The following DRC11 variants were observed in gnomAD, a reference collection of about 807,000 sequenced individuals.
The protein encoded by DRC11 is dynein regulatory complex subunit 11, also known as IQ and AAA domain-containing protein 1.
the DRC11 span, among the ~76,000 whole-genome samples, chr2:236,445,341 T>C: frequency 3.9e-5 from 6 of 152,182 alleles, no homozygotes; most frequent in South Asian, 1.2e-3. The surrounding 1 kb of genome is among the most constrained non-coding windows in gnomAD (Gnocchi z 4.8). Flanking sequence ...ATTATTTATT[T>C]ATTTAATTTT....
At chr2:236,386,536 A>C in the DRC11 span, among the ~76,000 whole-genome samples, 1 of 151,820 alleles carries the variant, frequency 6.6e-6, no homozygotes, top group Non-Finnish European at 1.5e-5. Flanking sequence ...TATTACATCT[A>C]TTTGATTCTT....
At chr2:236,450,904 A>C in the DRC11 span, among the ~76,000 whole-genome samples, 1 of 152,270 alleles carries the variant, frequency 6.6e-6, no homozygotes, top group East Asian at 1.9e-4. Flanking sequence ...GACTTTAACA[A>C]TTATGTTTTC....
chr2:236,358,204 C>A, the DRC11 span, among the ~76,000 whole-genome samples: 1 of 121,532 alleles, frequency 8.2e-6, no homozygotes, highest in Admixed American at 9.1e-5. Flanking sequence ...AATATATATA[C>A]TATATGAATA....
the DRC11 span, chr2:236,486,886 GA>G: frequency 6.2e-7 from 1 of 1,608,552 alleles, no homozygotes; most frequent in Non-Finnish European, 8.5e-7. The surrounding 1 kb of genome is among the most constrained non-coding windows in gnomAD (Gnocchi z 5.7). Context: ...TACGTTGATG[GA>G]AACGTCGCCA....
chr2:236,343,641 T>C, the DRC11 span: 4 of 1,053,038 alleles, frequency 3.8e-6, no homozygotes, highest in Non-Finnish European at 5.3e-6. This position sits in a 1 kb window ranked among gnomAD's most constrained non-coding sequence, Gnocchi z 6.6. Flanking sequence ...CTGCCCTGCA[T>C]TTCTCTTAGA....
At chr2:236,338,243 A>C in the DRC11 span, 1 of 1,613,944 alleles carries the variant, frequency 6.2e-7, no homozygotes, top group South Asian at 1.1e-5. Flanking sequence ...CACCAAAATA[A>C]TTTTCTGGTA....
At chr2:236,434,487 T>A in the DRC11 span, among the ~76,000 whole-genome samples, 1 of 152,180 alleles carries the variant, frequency 6.6e-6, no homozygotes, top group Non-Finnish European at 1.5e-5. This position sits in a 1 kb window ranked among gnomAD's most constrained non-coding sequence, Gnocchi z 5.5. Flanking sequence ...CATCTAATTA[T>A]TACCTCAGTG....
At chr2:236,411,375 T>C in the DRC11 span, among the ~76,000 whole-genome samples, 1 of 149,904 alleles carries the variant, frequency 6.7e-6, no homozygotes, top group Non-Finnish European at 1.5e-5. Flanking sequence ...AGAATGGCAA[T>C]CATTAAAAAG....
At chr2:236,342,241 T>TCTCTGTGC in the DRC11 span, among the ~76,000 whole-genome samples, 1 of 152,182 alleles carries the variant, frequency 6.6e-6, no homozygotes, top group Non-Finnish European at 1.5e-5. This position sits in a 1 kb window ranked among gnomAD's most constrained non-coding sequence, Gnocchi z 5.8. Flanking sequence ...TGGATGTTCT[T>TCTCTGTGC]CTCTGTGCCT....
At chr2:236,407,411 C>T in the DRC11 span, among the ~76,000 whole-genome samples, 1 of 152,176 alleles carries the variant, frequency 6.6e-6, no homozygotes, top group African/African-American at 2.4e-5. Flanking sequence ...GAGTCTACAC[C>T]ATGGGCCCTC....
the DRC11 span, among the ~76,000 whole-genome samples, chr2:236,379,865 C>T: frequency 3.6e-4 from 53 of 148,240 alleles, no homozygotes; most frequent in African/African-American, 1.2e-3. Context: ...GGAGGGAACC[C>T]CCAAACAGGG....
the DRC11 span, among the ~76,000 whole-genome samples, chr2:236,416,726 T>C: frequency 1.6e-4 from 3 of 19,344 alleles, no homozygotes; most frequent in South Asian, 1.6e-3. Flanking sequence ...TATATTTATA[T>C]ATATATATAT....
the DRC11 span, among the ~76,000 whole-genome samples, chr2:236,459,541 G>GTACATA: frequency 1.4e-5 from 1 of 73,298 alleles, no homozygotes; most frequent in Non-Finnish European, 3.2e-5. Flanking sequence ...ATACGTATAC[G>GTACATA]TATACGTATA....
At chr2:236,507,274 C>A in the DRC11 span, 1 of 1,614,032 alleles carries the variant, frequency 6.2e-7, no homozygotes, top group South Asian at 1.1e-5. Flanking sequence ...ACATTGCTGG[C>A]TACTTTCCCT....
the DRC11 span, chr2:236,377,216 G>GGC: frequency 1.5e-6 from 2 of 1,378,808 alleles, no homozygotes; most frequent in Admixed American, 3.4e-5. This position sits in a 1 kb window ranked among gnomAD's most constrained non-coding sequence, Gnocchi z 4.9. Flanking sequence ...CTGTTCCAGA[G>GGC]GCACACACAC....
chr2:236,414,709 T>C, the DRC11 span, among the ~76,000 whole-genome samples: 7 of 152,214 alleles, frequency 4.6e-5, no homozygotes, highest in Admixed American at 4.6e-4. Context: ...TGTCTTTCAG[T>C]ATCTCAGTAT....
the DRC11 span, among the ~76,000 whole-genome samples, chr2:236,506,421 G>C: frequency 6.6e-6 from 1 of 152,118 alleles, no homozygotes; most frequent in African/African-American, 2.4e-5. This position sits in a 1 kb window ranked among gnomAD's most constrained non-coding sequence, Gnocchi z 4.9. Flanking sequence ...AACTCAATAC[G>C]TCTTAAACAG....
the DRC11 span, among the ~76,000 whole-genome samples, chr2:236,379,866 C>G: frequency 2.0e-5 from 3 of 150,934 alleles, no homozygotes; most frequent in African/African-American, 7.3e-5. Flanking sequence ...GAGGGAACCC[C>G]CAAACAGGGG....
the DRC11 span, chr2:236,344,616 C>G: frequency 6.2e-7 from 1 of 1,613,714 alleles, no homozygotes; most frequent in Non-Finnish European, 8.5e-7. Context: ...TCAATCCACA[C>G]CACGGAGGGC....
Sources: allele counts gnomAD v4.1 joint callset (sites outside exome capture counted in the v4.1 genomes callset), GRCh38; gene constraint gnomAD v4.1.1; non-coding constraint Gnocchi (gnomAD v3.1); transcripts MANE v1.5; gene names NCBI Gene and HGNC (gene_info 2026-07-23, HGNC 2026-07-21).